RPS6KA5: variants seen among roughly 807,000 people sequenced by gnomAD.
RPS6KA5 encodes the protein ribosomal protein S6 kinase A5, also known as ribosomal protein S6 kinase alpha-5.
A neutral mutation model predicts 85.5 loss-of-function variants in RPS6KA5; 27 were observed. The observed-to-expected ratio is 0.32, with a 90% CI of 0.23 to 0.44. The LOEUF (loss-of-function observed/expected upper bound fraction) is 0.44. Among genes scored for constraint, RPS6KA5 ranks in the 20% least tolerant of loss-of-function variants. The pLI, the probability that RPS6KA5 is intolerant of heterozygous loss-of-function variation, is 1.00. For missense variants in RPS6KA5, 811 were observed against 980.9 expected (o/e 0.83, Z 2.31); for synonymous variants, 334 against 348.2 (o/e 0.96, Z 0.46).
At position 91,018,971 on chromosome 14, in the gene RPS6KA5, A is replaced by G. The variant is rs77246589; in HGVS notation, c.104-17812T>C. Among the ~76,000 whole-genome samples, 567 of 152,080 alleles carry G rather than the reference A, an allele frequency of 3.7e-3. 1 individual carries two copies. Among genetic ancestry groups the G allele is most frequent in the African/African-American group, 0.013 (544 of 41,482 alleles). ...ATGTATTAACTAGATATCATAGCAT[A>G]TAAATTACAAGATATCAAGCAGAAG... is the stretch of plus-strand genomic sequence containing the variant. On this transcript the variant is annotated intron_variant, in intron 1 of 16. Transcript: ENST00000614987.
At chr14:90,990,766 C>T (rs1474463944) in intron 2 of RPS6KA5, among the ~76,000 whole-genome samples, 1 of 152,030 alleles carries the variant, frequency 6.6e-6, no homozygotes, top group Non-Finnish European at 1.5e-5. Flanking sequence ...AGACCATTTT[C>T]CTAAGCAAAC....
intron 6 of RPS6KA5, among the ~76,000 whole-genome samples, chr14:90,922,128 C>T (rs1438409179): frequency 1.3e-5 from 2 of 152,130 alleles, no homozygotes; most frequent in Non-Finnish European, 2.9e-5. Context: ...ATATTTATTT[C>T]TGTTGGGAAG....
At chr14:90,914,309 G>GTTTTTTTTTT (rs10658805) in intron 7 of RPS6KA5, among the ~76,000 whole-genome samples, 7 of 81,526 alleles carry the variant, frequency 8.6e-5, no homozygotes, top group Admixed American at 1.8e-4. Flanking sequence ...GATCCCTAGG[G>GTTTTTTTTTT]TTTTTTTTTT....
intron 3 of RPS6KA5, among the ~76,000 whole-genome samples, chr14:90,968,162 T>C (rs1314036863): frequency 1.3e-5 from 2 of 152,192 alleles, no homozygotes; most frequent in Non-Finnish European, 2.9e-5. Context: ...AGCTTCTAGA[T>C]ACAGGCCACC....
chr14:90,988,093 A>C (rs948223384), intron 2 of RPS6KA5, among the ~76,000 whole-genome samples: 2 of 152,376 alleles, frequency 1.3e-5, no homozygotes, highest in Non-Finnish European at 2.9e-5. Context: ...TTTTAAATTG[A>C]GAAGCGACAT....
chr14:91,017,178 G>C (rs930500361), intron 1 of RPS6KA5, among the ~76,000 whole-genome samples: 1 of 152,170 alleles, frequency 6.6e-6, no homozygotes, highest in African/African-American at 2.4e-5. Flanking sequence ...CCAATACTAG[G>C]TCTCGATATA....
chr14:90,986,857 G>C lies in RPS6KA5; in HGVS notation c.176-8333C>G, dbSNP rs191369669. Among the ~76,000 whole-genome samples the C allele has an allele frequency of 2.8e-3, 420 of 152,290 alleles. 6 individuals carry two copies. The highest frequency in any genetic ancestry group is 9.7e-3 in the African/African-American group (403 of 41,550). Reference sequence around the variant, plus strand: ...CAGGCTGAATCCAGACCACTGCTTAGACCACATGCCTGTTTAGGCTAGTCT... The same window carrying C: ...CAGGCTGAATCCAGACCACTGCTTACACCACATGCCTGTTTAGGCTAGTCT... On this transcript the variant is annotated intron_variant, in intron 2 of 16. Coordinates refer to ENST00000614987, the MANE Select transcript of RPS6KA5 (RefSeq NM_004755.4).
chr14:90,851,630 G>A lies in RPS6KA5; in HGVS notation c.*20444C>T, dbSNP rs928469159. The A allele has an allele frequency of 2.0e-5, 3 of 152,198 alleles. No individual in the cohort carries two copies. Among genetic ancestry groups the A allele is most frequent in the Non-Finnish European group, 4.4e-5 (3 of 68,042 alleles). 9.4% of individuals were successfully genotyped at this position (152,198 alleles called of 1,614,324 possible). On this transcript the variant is annotated 3_prime_UTR_variant, in exon 17 of 17. Coordinates refer to ENST00000614987, the MANE Select transcript of RPS6KA5 (RefSeq NM_004755.4). ...CAAAATCCTCAGTAATACTCAGAGAGAGTGTCATATCTAGTACATTTTACT... is the reference window on the plus strand; with the variant it reads ...CAAAATCCTCAGTAATACTCAGAGAAAGTGTCATATCTAGTACATTTTACT...
chr14:90,946,329 C>T (rs1483315839), intron 4 of RPS6KA5, among the ~76,000 whole-genome samples: 3 of 152,044 alleles, frequency 2.0e-5, no homozygotes, highest in Non-Finnish European at 2.9e-5. Flanking sequence ...AGGTTTCTTT[C>T]CCTGCTTGTT....
At chr14:91,055,186 C>T (rs1244957524) in intron 1 of RPS6KA5, among the ~76,000 whole-genome samples, 1 of 152,192 alleles carries the variant, frequency 6.6e-6, no homozygotes. Context: ...AATGATACAG[C>T]CACTCTGGAC....
At chr14:90,953,153 G>A (rs1026068405) in intron 3 of RPS6KA5, among the ~76,000 whole-genome samples, 2 of 152,198 alleles carry the variant, frequency 1.3e-5, no homozygotes, top group Non-Finnish European at 2.9e-5. Context: ...AGCCGTGGCA[G>A]AGGAACATAA....
chr14:90,998,082 G>A (rs111625290), intron 2 of RPS6KA5, among the ~76,000 whole-genome samples: 5 of 147,732 alleles, frequency 3.4e-5, no homozygotes, highest in African/African-American at 1.2e-4. Context: ...AAAACATTAT[G>A]TTAAGTGAAA....
Position 90,920,196 on chromosome 14 carries a change from C to T in RPS6KA5, c.806+10G>A, listed in dbSNP as rs2036332134. ...AAACAATGCATTTATTTTATTTTGT[C>T]AAATCTTACCTAGATATCTCAGCTT... On this transcript the variant is annotated intron_variant, in intron 7 of 16. Coordinates refer to ENST00000614987, the MANE Select transcript of RPS6KA5 (RefSeq NM_004755.4). 2.0e-6 allele frequency: 3 copies of T among 1,515,996 alleles called. No individual in the cohort carries two copies. The highest frequency in any genetic ancestry group is 2.7e-6 in the Non-Finnish European group (3 of 1,091,166). The allele number at this position is 1,515,996 out of a possible 1,614,324, so 93.9% of individuals were successfully genotyped here. A position where few individuals can be genotyped will look rare whatever the true frequency, so the allele number is the denominator to read the frequency against.
chr14:91,023,746 CCTAA>C (rs368522838), intron 1 of RPS6KA5, among the ~76,000 whole-genome samples: 228 of 137,402 alleles, frequency 1.7e-3, no homozygotes, highest in African/African-American at 5.3e-3. Flanking sequence ...TGGATGCCAA[CCTAA>C]CTATCCTTCC....
chr14:91,020,120 A>G (rs951018237), intron 1 of RPS6KA5, among the ~76,000 whole-genome samples: 3 of 152,152 alleles, frequency 2.0e-5, no homozygotes, highest in African/African-American at 7.2e-5. Context: ...ATCTAATGGG[A>G]CCACTGTTGT....
intron 14 of RPS6KA5, among the ~76,000 whole-genome samples, chr14:90,882,814 A>AT (rs139239110): frequency 0.19 from 27,557 of 146,846 alleles, 2,849 homozygotes; most frequent in Middle Eastern, 0.26. Flanking sequence ...TCAAGATTCT[A>AT]TTTTTTTTTT....
intron 1 of RPS6KA5, among the ~76,000 whole-genome samples, chr14:91,054,216 T>G (rs573428865): frequency 5.4e-4 from 82 of 152,160 alleles, no homozygotes; most frequent in South Asian, 1.0e-3. Flanking sequence ...GATCTAAATG[T>G]AACAGCTAAA....
At chr14:90,954,939 T>C (rs1414038266) in intron 3 of RPS6KA5, among the ~76,000 whole-genome samples, 2 of 152,160 alleles carry the variant, frequency 1.3e-5, no homozygotes, top group African/African-American at 2.4e-5. Flanking sequence ...TCAATAGTAA[T>C]GTCCTTTCTT....
rs1166937221 is a variant in RPS6KA5 at position 90,852,826 on chromosome 14, T to G, written c.*19248A>C. 5 of 143,216 alleles carry G rather than the reference T, an allele frequency of 3.5e-5. No homozygotes were observed. Among genetic ancestry groups the G allele is most frequent in the African/African-American group, 1.3e-4 (5 of 38,516 alleles). 8.9% of individuals were successfully genotyped at this position (143,216 alleles called of 1,614,324 possible). On this transcript the variant is annotated 3_prime_UTR_variant, in exon 17 of 17. Transcript: ENST00000614987. ...CTCACTACAAGCTCCGCCTCCCGGG[T>G]TCATGCCATTCTCCTGTCTCAGCCT... is the stretch of plus-strand genomic sequence containing the variant.
Sources: allele counts gnomAD v4.1 joint callset (sites outside exome capture counted in the v4.1 genomes callset), GRCh38; gene constraint gnomAD v4.1.1; transcripts MANE v1.5; gene names NCBI Gene and HGNC (gene_info 2026-07-23, HGNC 2026-07-21).